SNRPN: variants seen among roughly 807,000 people sequenced by gnomAD.
The protein encoded by SNRPN is small nuclear ribonucleoprotein-associated protein N.
In SNRPN, 7 loss-of-function variants were observed where a neutral mutation model predicts 25.2. That is an observed-to-expected ratio of 0.28 (90% CI 0.16 to 0.52). The LOEUF (loss-of-function observed/expected upper bound fraction) is 0.52. SNRPN is among the 20% of genes least tolerant of loss of function. SNRPN has a pLI of 0.96. For synonymous variants in SNRPN, 124 were observed against 110.6 expected, an observed-to-expected ratio of 1.12 and a Z score of -0.76; for missense variants, 196 against 322.5, an observed-to-expected ratio of 0.61 and a Z score of 3.00.
intron 2 of SNRPN, among the ~76,000 whole-genome samples, chr15:24,833,893 C>T (rs1260620269): frequency 6.6e-6 from 1 of 152,064 alleles, no homozygotes; most frequent in East Asian, 1.9e-4. Context: ...TTGATGAGAT[C>T]CCTGGGGAGG....
chr15:24,889,585 A>C (rs145053977), intron 2 of SNRPN, among the ~76,000 whole-genome samples: 3 of 150,554 alleles, frequency 2.0e-5, no homozygotes, highest in Non-Finnish European at 4.4e-5. Flanking sequence ...GATTACAGGC[A>C]TGAGCCACCG....
intron 2 of SNRPN, among the ~76,000 whole-genome samples, chr15:24,893,933 C>T (rs2057874983): frequency 6.6e-6 from 1 of 152,096 alleles, no homozygotes; most frequent in Admixed American, 6.5e-5. Context: ...AAACCCAATC[C>T]GTAAGCCTTT....
At position 24,943,113 on chromosome 15, in the gene SNRPN, C is replaced by T. The variant is rs182591; in HGVS notation, c.-390-19001C>T. Among the ~76,000 whole-genome samples the T allele has an allele frequency of 9.6e-3, 1,454 of 151,986 alleles. 19 individuals carry two copies. The highest frequency in any genetic ancestry group is 0.032 in the African/African-American group (1,342 of 41,426). ...CAAGGCTTCCTTGTCACCAATTTTC[C>T]AATCATGCTCCTTCCACATTACTGA... On this transcript the variant is annotated intron_variant, in intron 3 of 11. Transcript: ENST00000400097.
At chr15:24,930,188 A>G (rs1408539058) in intron 3 of SNRPN, among the ~76,000 whole-genome samples, 3 of 147,484 alleles carry the variant, frequency 2.0e-5, no homozygotes, top group African/African-American at 7.6e-5. Flanking sequence ...TAGATAAAAA[A>G]TATAAAAATT....
chr15:24,879,734 T>C (rs765860764), intron 1 of SNRPN, among the ~76,000 whole-genome samples: 7 of 152,230 alleles, frequency 4.6e-5, no homozygotes, highest in Non-Finnish European at 8.8e-5. Flanking sequence ...AATAAATATT[T>C]ATTGGAACAC....
intron 1 of SNRPN, among the ~76,000 whole-genome samples, chr15:24,959,112 A>G (rs2074360763): frequency 6.6e-6 from 1 of 152,136 alleles, no homozygotes; most frequent in Non-Finnish European, 1.5e-5. Flanking sequence ...TTGCTTTTCA[A>G]TATATTTCCG....
intron 3 of SNRPN, among the ~76,000 whole-genome samples, chr15:24,938,663 G>C (rs2061384410): frequency 6.6e-6 from 1 of 152,186 alleles, no homozygotes; most frequent in Non-Finnish European, 1.5e-5. Context: ...GTTTTGGTCA[G>C]GAGGCAGAAG....
chr15:24,879,508 A>G (rs1263274136), intron 1 of SNRPN, among the ~76,000 whole-genome samples: 1 of 152,210 alleles, frequency 6.6e-6, no homozygotes, highest in Non-Finnish European at 1.5e-5. Flanking sequence ...GATGTTTTCT[A>G]TGAAATGAAA....
chr15:24,853,969 A>G (rs1222114928), upstream of SNRPN, among the ~76,000 whole-genome samples: 4 of 152,200 alleles, frequency 2.6e-5, no homozygotes, highest in African/African-American at 9.6e-5. Context: ...ATCCTTCAAC[A>G]TGTGAAATGT....
At chr15:24,874,167 G>A (rs1043259586) in intron 1 of SNRPN, among the ~76,000 whole-genome samples, 33 of 151,844 alleles carry the variant, frequency 2.2e-4, no homozygotes, top group East Asian at 1.2e-3. Flanking sequence ...AAAATTAGCC[G>A]GGCGTGGTGG....
chr15:24,944,778 C>A (rs2061772957), intron 3 of SNRPN, among the ~76,000 whole-genome samples: 1 of 152,168 alleles, frequency 6.6e-6, no homozygotes, highest in Non-Finnish European at 1.5e-5. Context: ...TTCTCTTTCT[C>A]AGAATTGGTC....
At chr15:24,836,136 C>T (rs914678780) in intron 2 of SNRPN, among the ~76,000 whole-genome samples, 1 of 152,088 alleles carries the variant, frequency 6.6e-6, no homozygotes, top group African/African-American at 2.4e-5. Flanking sequence ...TCTCTGTGCT[C>T]TCACCTCTTC....
At chr15:24,916,651 A>G (rs1457386449) in intron 2 of SNRPN, among the ~76,000 whole-genome samples, 8 of 152,226 alleles carry the variant, frequency 5.3e-5, no homozygotes, top group Admixed American at 5.2e-4. Flanking sequence ...GATTATAGGT[A>G]GATCATATAA....
chr15:24,930,590 C>CAAAAAAAAAAAAA (rs67708507), intron 3 of SNRPN, among the ~76,000 whole-genome samples: 18 of 98,304 alleles, frequency 1.8e-4, no homozygotes, highest in Non-Finnish European at 3.1e-4. Context: ...TACAAAAATA[C>CAAAAAAAAAAAAA]AAAAAAAAAA....
At chr15:24,870,972 C>A (rs1276397630) in intron 1 of SNRPN, among the ~76,000 whole-genome samples, 3 of 151,804 alleles carry the variant, frequency 2.0e-5, no homozygotes, top group Admixed American at 6.6e-5. Context: ...CCTCCGCCTC[C>A]CAGGTTCCAG....
chr15:24,905,112 CA>C (rs35185358), intron 2 of SNRPN, among the ~76,000 whole-genome samples: 48,590 of 124,806 alleles, frequency 0.39, 8,736 homozygotes, highest in East Asian at 0.7. Flanking sequence ...GACTCCGTCT[CA>C]AAAAAAAAAA....
At chr15:24,855,282 A>G (rs1305448408), upstream of SNRPN, among the ~76,000 whole-genome samples, 2 of 152,164 alleles carry the variant, frequency 1.3e-5, no homozygotes, top group African/African-American at 4.8e-5. Context: ...TACAGGTTTT[A>G]TGGATTATTA....
intron 7 of SNRPN, among the ~76,000 whole-genome samples, chr15:24,977,299 A>T (rs1291541251): frequency 6.6e-6 from 1 of 152,166 alleles, no homozygotes; most frequent in Non-Finnish European, 1.5e-5. Flanking sequence ...ACAGTTGAAA[A>T]GACCAAAGGG....
chr15:24,854,379 TGATCATGTA>T (rs1480303243), upstream of SNRPN, among the ~76,000 whole-genome samples: 1 of 152,238 alleles, frequency 6.6e-6, no homozygotes, highest in African/African-American at 2.4e-5. Flanking sequence ...CCTTTATATG[TGATCATGTA>T]GATCACCCTC....
Sources: gnomAD v4.1 joint callset for allele counts (sites outside exome capture counted in the v4.1 genomes callset) on GRCh38, gnomAD v4.1.1 for gene constraint, MANE v1.5 for transcripts, NCBI Gene and HGNC (gene_info 2026-07-23, HGNC 2026-07-21) for gene names.